FAM234A: variants seen among roughly 807,000 people sequenced by gnomAD.
The protein encoded by FAM234A is protein FAM234A.
FAM234A carries 42 observed loss-of-function variants against 49.1 expected under a neutral mutation model. The observed-to-expected ratio is 0.86, with a 90% CI of 0.67 to 1.11. The LOEUF (loss-of-function observed/expected upper bound fraction) is 1.11, where lower values mean the gene tolerates loss of function less well. FAM234A is among the 50% of genes least tolerant of loss of function. The pLI is 0.00. For missense variants in FAM234A, 815 were observed against 745.2 expected (o/e 1.09, Z -1.09); for synonymous variants, 369 against 316.2 (o/e 1.17, Z -1.77).
intron 4 of FAM234A, 61 bp from the exon 5 acceptor site, chr16:259,908 G>T (rs954989479): frequency 6.8e-7 from 1 of 1,478,084 alleles, no homozygotes; most frequent in Non-Finnish European, 9.3e-7. Flanking sequence ...CACATGCTGG[G>T]GCTGGCCGGC....
chr16:265,564 T>C lies in FAM234A; in HGVS notation c.*542T>C, dbSNP rs1342978645. On this transcript the variant is annotated 3_prime_UTR_variant, in exon 13 of 13. Coordinates refer to ENST00000399932, the MANE Select transcript of FAM234A (RefSeq NM_032039.4). ...ACGGGAACCTGAGACAGCTCCAGCTTCGCAGCCCTTCCCGGAGCTACAGGG... is the reference window on the plus strand; with the variant it reads ...ACGGGAACCTGAGACAGCTCCAGCTCCGCAGCCCTTCCCGGAGCTACAGGG... The C allele has an allele frequency of 1.0e-6, 1 of 985,716 alleles. No individual in the cohort carries two copies. Among genetic ancestry groups the C allele is most frequent in the African/African-American group, 1.7e-5 (1 of 57,210 alleles). 61.1% of individuals were successfully genotyped at this position (985,716 alleles called of 1,614,324 possible). A position where few individuals can be genotyped will look rare whatever the true frequency, so the allele number is the denominator to read the frequency against.
chr16:253,394 A>G (rs1182057809), intron 2 of FAM234A, among the ~76,000 whole-genome samples: 1 of 152,134 alleles, frequency 6.6e-6, no homozygotes, highest in African/African-American at 2.4e-5. Context: ...GTGCTTATCC[A>G]TGAACATATT....
intron 1 of FAM234A, among the ~76,000 whole-genome samples, 165 bp from the exon 2 acceptor site, chr16:249,384 C>G (rs1328020835): frequency 8.6e-5 from 13 of 151,996 alleles, no homozygotes; most frequent in Admixed American, 8.5e-4. Flanking sequence ...CCAAAGTGGC[C>G]AACTTAGTCC....
chr16:260,492 G>A, intron 5 of FAM234A: 1 of 497,460 alleles, frequency 2.0e-6, no homozygotes, highest in Non-Finnish European at 4.0e-6. Context: ...GGTGTCAGTG[G>A]TGGCAGTGCC....
At chr16:241,457 T>C (rs909683555) in intron 1 of FAM234A, among the ~76,000 whole-genome samples, 2 of 151,922 alleles carry the variant, frequency 1.3e-5, no homozygotes, top group African/African-American at 4.8e-5. Context: ...AATTAGCTGG[T>C]GCATGCCTGT....
downstream of FAM234A, among the ~76,000 whole-genome samples, chr16:267,706 ACG>A (rs1182634832): frequency 8.7e-5 from 13 of 148,678 alleles, no homozygotes; most frequent in African/African-American, 3.3e-4. Flanking sequence ...ACACAATCAC[ACG>A]TGCTATGCGT....
intron 1 of FAM234A, among the ~76,000 whole-genome samples, chr16:241,282 A>AAG (rs1416357578): frequency 1.3e-5 from 2 of 151,702 alleles, no homozygotes; most frequent in Non-Finnish European, 2.9e-5. Context: ...AAAGAAAAAA[A>AAG]AAAAGCTGTC....
intron 3 of FAM234A, among the ~76,000 whole-genome samples, chr16:257,965 C>T (rs1343330346): frequency 1.3e-5 from 2 of 152,086 alleles, no homozygotes; most frequent in Non-Finnish European, 2.9e-5. Flanking sequence ...TCAGGCGATT[C>T]TCCTGCCTTA....
chr16:267,265 C>T (rs2051717572), downstream of FAM234A, among the ~76,000 whole-genome samples: 1 of 152,062 alleles, frequency 6.6e-6, no homozygotes, highest in African/African-American at 2.4e-5. Flanking sequence ...GGCGTCCCCA[C>T]ACACTACCCT....
In FAM234A at chr16:265,395, AGGCCAGAGC is replaced by A. The variant is rs1326039480; in HGVS notation, c.*379_*387del. The A allele has an allele frequency of 9.7e-7, 1 of 1,035,368 alleles. No individual in the cohort carries two copies. Among genetic ancestry groups the A allele is most frequent in the East Asian group, 8.6e-5 (1 of 11,628 alleles). The allele number at this position is 1,035,368 out of a possible 1,614,324, so 64.1% of individuals were successfully genotyped here. On this transcript the variant is annotated 3_prime_UTR_variant, in exon 13 of 13. Transcript: ENST00000399932. Reference sequence around the variant, plus strand: ...GCCCTCTCCTTGCCAGCTTCTCCCCAGGCCAGAGCGGCCATCGCGTAGAAAGAACCAGGG... The same window carrying A: ...GCCCTCTCCTTGCCAGCTTCTCCCCAGGCCATCGCGTAGAAAGAACCAGGG...
At chr16:247,484 G>A (rs1291929219) in intron 1 of FAM234A, among the ~76,000 whole-genome samples, 1 of 151,484 alleles carries the variant, frequency 6.6e-6, no homozygotes, top group Non-Finnish European at 1.5e-5. Flanking sequence ...TCAGGCTTGA[G>A]TGCGATGGCT....
intron 2 of FAM234A, among the ~76,000 whole-genome samples, chr16:252,185 G>GT (rs35208632): frequency 0.051 from 6,056 of 119,808 alleles, 281 homozygotes; most frequent in East Asian, 0.17. Context: ...TCTGTTTTTT[G>GT]TTTTTTTTTT....
chr16:245,168 G>A (rs971005044), intron 1 of FAM234A, among the ~76,000 whole-genome samples: 4 of 151,934 alleles, frequency 2.6e-5, no homozygotes, highest in Admixed American at 1.3e-4. Context: ...GCAACGTGGC[G>A]AAACTCTGTC....
rs201255499 is a variant in FAM234A at position 264,166 on chromosome 16, G to A, written c.1339G>A (p.Glu447Lys). The A allele has an allele frequency of 1.5e-4, 233 of 1,599,346 alleles. 1 individual carries two copies. The African/African-American group carries it at 2.1e-3, about 14-fold the overall frequency. Residue 447 changes from glutamate to lysine, a missense_variant, in exon 11 of 13, where the codon GAG becomes AAG. By Grantham distance (56) the Glu-to-Lys change is moderately conservative. Transcript: ENST00000399932. Reference sequence around the variant, plus strand: ...CCTCCACGAGCTGGGGAGCACCAGCGAGACGGTACGGGAGCCACCCTCGGA... The same window carrying A: ...CCTCCACGAGCTGGGGAGCACCAGCAAGACGGTACGGGAGCCACCCTCGGA... ...WGLHELGSTS[E>K]TETGEARHSL...
rs187931679 is a variant in FAM234A, at chr16:263,872, G to A, written c.1188+97G>A. 3.5e-4 allele frequency: 492 copies of A among 1,394,956 alleles called. 4 individuals are homozygous for A. In the East Asian group the frequency reaches 0.01, roughly 29 times the overall value. 86.4% of individuals were successfully genotyped at this position (1,394,956 alleles called of 1,614,324 possible). Reference sequence around the variant, plus strand: ...GGCTGCGGCCCAGGAGGCTGCTGCCGTCAGAGCTGCTGAGAAGGTTCTGCC... The same window carrying A: ...GGCTGCGGCCCAGGAGGCTGCTGCCATCAGAGCTGCTGAGAAGGTTCTGCC... On this transcript the variant is annotated intron_variant, in intron 10 of 12. Transcript: ENST00000399932.
rs748449160 is a variant in FAM234A, at chr16:264,716, G to C, written c.1447G>C (p.Ala483Pro). The C allele has an allele frequency of 6.2e-7, 1 of 1,610,822 alleles. No individual in the cohort carries two copies. Among genetic ancestry groups the C allele is most frequent in the South Asian group, 1.1e-5 (1 of 91,078 alleles). Residue 483 changes from alanine (A) to proline (P), a missense_variant and splice_region_variant, in exon 12 of 13, where the codon GCC (alanine) becomes CCC (proline). Physicochemically the swap from Ala to Pro is conservative, Grantham distance 27. Coordinates refer to ENST00000399932, the MANE Select transcript of FAM234A (RefSeq NM_032039.4). The stretch of plus-strand genomic sequence containing the variant: ...CTCTACCCACATTGTCGCCTTTGAC[G>C]GTGAGTGTGGCCTCGGCCAGGGACC... ...NVSTHIVAFD[A>P]VLFEPSRHAA...
At chr16:243,479 G>A (rs1187414492) in intron 1 of FAM234A, among the ~76,000 whole-genome samples, 3 of 152,140 alleles carry the variant, frequency 2.0e-5, no homozygotes, top group South Asian at 2.1e-4. Flanking sequence ...ACGGCTCCTG[G>A]TATTTTTAAT....
intron 1 of FAM234A, among the ~76,000 whole-genome samples, chr16:246,687 G>A (rs189053227): frequency 1.3e-5 from 2 of 151,328 alleles, no homozygotes; most frequent in Non-Finnish European, 2.9e-5. Flanking sequence ...CTAAAGTGCT[G>A]GTATTACAGG....
intron 3 of FAM234A, among the ~76,000 whole-genome samples, chr16:256,727 C>T (rs1378441265): frequency 6.7e-6 from 1 of 149,388 alleles, no homozygotes. Flanking sequence ...GCACAGGCTA[C>T]CATGCCTGGC....
Sources: allele counts gnomAD v4.1 joint callset (sites outside exome capture counted in the v4.1 genomes callset), GRCh38; gene constraint gnomAD v4.1.1; transcripts MANE v1.5; gene names NCBI Gene and HGNC (gene_info 2026-07-23, HGNC 2026-07-21).